Variants in SLIT1 observed in about 807,000 individuals in gnomAD.
SLIT1 encodes the protein slit guidance ligand 1.
A neutral mutation model predicts 186.1 loss-of-function variants in SLIT1; 66 were observed. The observed-to-expected ratio is 0.35, with a 90% CI of 0.29 to 0.44. The LOEUF is 0.44. Ranked by LOEUF, SLIT1 falls within the 20% of genes least tolerant of loss-of-function variation. The probability of loss-of-function intolerance (pLI) is 1.00; values close to 1 mark genes in which losing one functional copy is unlikely to be tolerated. For missense variants in SLIT1, 1,638 were observed against 2,037.4 expected (o/e 0.80, Z 3.77); for synonymous variants, 761 against 833.8 (o/e 0.91, Z 1.50).
chr10:97,031,816 G>T, intron 23 of SLIT1, 139 bp from the exon 24 acceptor site: 1 of 654,266 alleles, frequency 1.5e-6, no homozygotes, highest in Non-Finnish European at 2.7e-6. Flanking sequence ...CAGCCGGCAA[G>T]TGCATGGGCT....
At chr10:97,046,596 T>C in intron 18 of SLIT1, 58 bp downstream of exon 18, 1 of 1,515,026 alleles carries the variant, frequency 6.6e-7, no homozygotes, top group Non-Finnish European at 8.8e-7. Context: ...TTCCTTTCCC[T>C]TGGCTTTGCC....
chr10:97,020,002 T>C (rs1276888400), intron 26 of SLIT1, among the ~76,000 whole-genome samples: 1 of 151,450 alleles, frequency 6.6e-6, no homozygotes, highest in Non-Finnish European at 1.5e-5. Context: ...TTAGACAGGG[T>C]CTTACTCTGT....
In SLIT1 at chr10:97,006,776, C is replaced by T. The variant is rs1430294096; in HGVS notation, c.3342-56G>A. 8 of 1,188,906 alleles carry T rather than the reference C, an allele frequency of 6.7e-6. No homozygotes were observed. The highest frequency in any genetic ancestry group is 1.3e-5 in the South Asian group (1 of 79,454). The allele number at this position is 1,188,906 out of a possible 1,614,324, so 73.6% of individuals were successfully genotyped here. On this transcript the variant is annotated intron_variant, in intron 31 of 36. Transcript: ENST00000266058. This position sits in a 1 kb window ranked among gnomAD's most constrained non-coding sequence, Gnocchi z 4.0. ...CCAAGGAGGAAGGGAGTATCTTCCTCTCCCACAGCCCTGGAGAGAAATTCA... is the reference window on the plus strand; with the variant it reads ...CCAAGGAGGAAGGGAGTATCTTCCTTTCCCACAGCCCTGGAGAGAAATTCA...
rs752792181 is a variant in SLIT1, at chr10:97,006,718, C to G, written c.3344G>C (p.Gly1115Ala). The change falls in exon 32 of 37, where the codon GGA becomes GCA. Residue 1115 changes from glycine to alanine, a missense_variant and splice_region_variant. By Grantham distance (60) the Gly-to-Ala change is moderately conservative. Transcript: ENST00000266058. The surrounding 1 kb of genome is among the most constrained non-coding windows in gnomAD (Gnocchi z 4.0). ...ATGGGGAGGGATCTCACAGAGCTGT[C>G]CACTGAGAGGAAAGGACATAAGTCA... is the stretch of plus-strand genomic sequence containing the variant. ...YSCLCAEGYS[G>A]QLCEIPPHLP... The G allele has an allele frequency of 1.2e-6, 2 of 1,610,410 alleles. No homozygotes were observed. Among genetic ancestry groups the G allele is most frequent in the Non-Finnish European group, 1.7e-6 (2 of 1,176,884 alleles).
intron 4 of SLIT1, among the ~76,000 whole-genome samples, chr10:97,126,468 G>A (rs749894851): frequency 6.6e-6 from 1 of 152,148 alleles, no homozygotes; most frequent in Non-Finnish European, 1.5e-5. Context: ...TGGTGGAGAT[G>A]AGGCTTTTAA....
chr10:97,058,642 A>G (rs529602817), intron 11 of SLIT1, among the ~76,000 whole-genome samples: 2 of 152,312 alleles, frequency 1.3e-5, no homozygotes, highest in Non-Finnish European at 2.9e-5. Flanking sequence ...GAAGGCACTG[A>G]GCTGGCAGGC....
chr10:97,032,327 G>C (rs1315079040), intron 23 of SLIT1, among the ~76,000 whole-genome samples: 1 of 152,154 alleles, frequency 6.6e-6, no homozygotes, highest in Non-Finnish European at 1.5e-5. Context: ...CCAGCACTTT[G>C]GGAAGCTGAG....
chr10:97,157,603 G>A, intron 4 of SLIT1: 2 of 568,408 alleles, frequency 3.5e-6, no homozygotes, highest in Non-Finnish European at 6.2e-6. Flanking sequence ...ATGAACTGCG[G>A]GTTCTTCCAA....
chr10:97,118,595 C>T (rs1849529991), intron 4 of SLIT1, among the ~76,000 whole-genome samples: 1 of 152,208 alleles, frequency 6.6e-6, no homozygotes, highest in Non-Finnish European at 1.5e-5. Flanking sequence ...AACCTGTTCT[C>T]ACCTCTTCTG....
chr10:97,085,336 C>T (rs1849147714), intron 4 of SLIT1, among the ~76,000 whole-genome samples: 1 of 152,018 alleles, frequency 6.6e-6, no homozygotes, highest in Non-Finnish European at 1.5e-5. Flanking sequence ...GATGTATTTC[C>T]TTGGTCACTT....
rs886582059 is a variant in SLIT1, at chr10:97,068,815, G to A, written c.414-2729C>T. ...TTCCTGGAGACATTCCCCAGATTCC[G>A]CCCATTTAGGCTACTCCCCAGAGGG... On this transcript the variant is annotated intron_variant, in intron 4 of 36. Transcript: ENST00000266058. This position sits in a 1 kb window ranked among gnomAD's most constrained non-coding sequence, Gnocchi z 4.2. Among the ~76,000 whole-genome samples the A allele has an allele frequency of 1.3e-5, 2 of 152,160 alleles. No homozygotes were observed. Among genetic ancestry groups the A allele is most frequent in the South Asian group, 2.1e-4 (1 of 4,820 alleles).
chr10:97,127,041 A>G (rs752108415), intron 4 of SLIT1, among the ~76,000 whole-genome samples: 2 of 152,192 alleles, frequency 1.3e-5, no homozygotes, highest in Non-Finnish European at 2.9e-5. Flanking sequence ...CTGTAATCCC[A>G]GCACTTTGGG....
chr10:97,103,814 G>T (rs570434447), intron 4 of SLIT1: 2 of 152,360 alleles, frequency 1.3e-5, no homozygotes, highest in Non-Finnish European at 2.9e-5. Context: ...GGTAGGGTCA[G>T]AGGTAGGCAG....
At chr10:97,078,805 C>T (rs1394868708) in intron 4 of SLIT1, among the ~76,000 whole-genome samples, 1 of 152,258 alleles carries the variant, frequency 6.6e-6, no homozygotes, top group Non-Finnish European at 1.5e-5. Context: ...TCCGGGCTTA[C>T]TCAACACCAG....
intron 23 of SLIT1, among the ~76,000 whole-genome samples, chr10:97,033,602 C>T (rs564648891): frequency 6.6e-5 from 10 of 152,238 alleles, no homozygotes; most frequent in South Asian, 6.2e-4. Context: ...ACAGCTGCCA[C>T]GGTGGCATGA....
At chr10:97,084,925 T>C (rs914643037) in intron 4 of SLIT1, among the ~76,000 whole-genome samples, 1 of 35,842 alleles carries the variant, frequency 2.8e-5, no homozygotes, top group African/African-American at 4.3e-5. Flanking sequence ...TTTTCTTTCC[T>C]TTTTTTTTTT....
In SLIT1 at chr10:97,046,808, A is replaced by G; in HGVS notation, c.1710-11T>C. On this transcript the variant is annotated splice_polypyrimidine_tract_variant and intron_variant, in intron 17 of 36. Transcript: ENST00000266058. ...TTGTTGCTCAGATTGCTGGGAGAAG[A>G]GGCGGGGGGAGGATTACATATGGCC... The G allele has an allele frequency of 1.9e-6, 3 of 1,609,906 alleles. No homozygotes were observed. The highest frequency in any genetic ancestry group is 1.7e-6 in the Non-Finnish European group (2 of 1,179,812).
At chr10:97,019,205 C>T (rs1456017928) in intron 26 of SLIT1, 98 bp from the exon 27 acceptor site, 7 of 758,850 alleles carry the variant, frequency 9.2e-6, no homozygotes, top group South Asian at 3.4e-5. Context: ...TCCAAGGAGC[C>T]GTTTCCCCTC....
At chr10:97,064,538 G>A (rs1449152700) in intron 6 of SLIT1, among the ~76,000 whole-genome samples, 1 of 152,210 alleles carries the variant, frequency 6.6e-6, no homozygotes, top group African/African-American at 2.4e-5. Context: ...GAAAGGTGGG[G>A]TTTGGATAGG....
Sources: gnomAD v4.1 joint callset for allele counts (sites outside exome capture counted in the v4.1 genomes callset) on GRCh38, gnomAD v4.1.1 for gene constraint, Gnocchi (gnomAD v3.1) non-coding constraint, MANE v1.5 for transcripts, NCBI Gene and HGNC (gene_info 2026-07-23, HGNC 2026-07-21) for gene names.